The following RBM19 variants were observed in gnomAD, a reference collection of about 807,000 sequenced individuals.
RBM19 encodes the protein RNA binding motif protein 19, also known as probable RNA-binding protein 19.
Under a neutral mutation model 116.8 loss-of-function variants are expected in RBM19, and 94 were observed. That is an observed-to-expected ratio of 0.80 (90% CI 0.68 to 0.95). RBM19 has a LOEUF of 0.95. Ranked by LOEUF, RBM19 falls within the 40% of genes least tolerant of loss-of-function variation. The pLI, the probability that RBM19 is intolerant of heterozygous loss-of-function variation, is 0.00. For synonymous variants in RBM19, 475 were observed against 494.1 expected, an observed-to-expected ratio of 0.96 and a Z score of 0.51; for missense variants, 1,161 against 1,220.7, an observed-to-expected ratio of 0.95 and a Z score of 0.73.
intron 23 of RBM19, among the ~76,000 whole-genome samples, chr12:113,828,746 G>A (rs1416613698): frequency 1.3e-5 from 2 of 152,082 alleles, no homozygotes; most frequent in African/African-American, 2.4e-5. Flanking sequence ...GCTCTGGAAG[G>A]CTGGCTGAAC....
intron 10 of RBM19, 132 bp downstream of exon 10, chr12:113,948,701 T>G (rs1871237234): frequency 2.2e-6 from 2 of 899,446 alleles, no homozygotes; most frequent in Non-Finnish European, 3.3e-6. Context: ...TTGGTCCCAT[T>G]TTACAGATGA....
At chr12:113,848,637 C>T (rs1441915706) in intron 22 of RBM19, among the ~76,000 whole-genome samples, 3 of 152,170 alleles carry the variant, frequency 2.0e-5, no homozygotes, top group Non-Finnish European at 2.9e-5. Flanking sequence ...TGGAAGGTTC[C>T]AGCCATCACA....
intron 21 of RBM19, among the ~76,000 whole-genome samples, chr12:113,909,143 G>A (rs1398911306): frequency 3.9e-5 from 6 of 152,090 alleles, no homozygotes; most frequent in Non-Finnish European, 8.8e-5. Flanking sequence ...TTTTTTTAGA[G>A]AGAAGGTCTC....
chr12:113,846,047 C>T (rs562578587), intron 22 of RBM19, among the ~76,000 whole-genome samples: 22 of 152,354 alleles, frequency 1.4e-4, no homozygotes, highest in Admixed American at 9.1e-4. Context: ...TGCTACTTCT[C>T]GTTGCTGTTG....
chr12:113,965,927 G>A (rs1286025084), intron 1 of RBM19, among the ~76,000 whole-genome samples: 1 of 152,206 alleles, frequency 6.6e-6, no homozygotes, highest in African/African-American at 2.4e-5. Context: ...TTCGCCACAA[G>A]GTGGGAGTTG....
intron 18 of RBM19, among the ~76,000 whole-genome samples, chr12:113,921,262 T>A (rs1331708020): frequency 2.6e-5 from 4 of 152,134 alleles, no homozygotes; most frequent in Non-Finnish European, 5.9e-5. Flanking sequence ...ACTGCAAAAA[T>A]TTCATCAGAA....
At chr12:113,820,913 C>CTT (rs112639304), downstream of RBM19, among the ~76,000 whole-genome samples, 1,116 of 152,324 alleles carry the variant, frequency 7.3e-3, 20 homozygotes, top group African/African-American at 0.025. Flanking sequence ...AGCTCACCAG[C>CTT]TTTCTTTTGG....
At chr12:113,901,174 T>A (rs1183652876) in intron 21 of RBM19, among the ~76,000 whole-genome samples, 2 of 152,212 alleles carry the variant, frequency 1.3e-5, no homozygotes, top group African/African-American at 2.4e-5. Flanking sequence ...AGATCCTAGA[T>A]AAAATGTACT....
chr12:113,823,588 G>A (rs917892685), intron 23 of RBM19, among the ~76,000 whole-genome samples: 4 of 151,000 alleles, frequency 2.6e-5, no homozygotes, highest in African/African-American at 9.7e-5. Context: ...GAGGAGGAGA[G>A]AGAAACACTA....
chr12:113,947,572 T>C (rs1871139996), intron 10 of RBM19, 108 bp from the exon 11 acceptor site: 1 of 1,242,048 alleles, frequency 8.1e-7, no homozygotes, highest in Non-Finnish European at 1.1e-6. Flanking sequence ...ATGGGTGTCA[T>C]TTCCCAGTCC....
intron 21 of RBM19, among the ~76,000 whole-genome samples, chr12:113,901,030 A>G (rs1006420630): frequency 1.3e-5 from 2 of 152,206 alleles, no homozygotes; most frequent in African/African-American, 4.8e-5. Flanking sequence ...AAAGTTCCGC[A>G]CTGGTTTCTT....
chr12:113,863,225 G>GTA (rs1878538805), intron 21 of RBM19, among the ~76,000 whole-genome samples: 1 of 151,366 alleles, frequency 6.6e-6, no homozygotes, highest in South Asian at 2.1e-4. Context: ...GTGTGTGTGT[G>GTA]TGTGTGTGTG....
chr12:113,932,162 G>C (rs1187315605), intron 16 of RBM19, among the ~76,000 whole-genome samples: 1 of 152,182 alleles, frequency 6.6e-6, no homozygotes, highest in Admixed American at 6.5e-5. Flanking sequence ...TCATATCCCG[G>C]CTCTCTCCAC....
chr12:113,818,237 A>AG (rs1346658033), downstream of RBM19: 1 of 150,976 alleles, frequency 6.6e-6, no homozygotes, highest in Non-Finnish European at 1.5e-5. Context: ...AAAAAAAAAA[A>AG]GAAAGGGTTA....
intron 21 of RBM19, among the ~76,000 whole-genome samples, chr12:113,895,232 A>C (rs925050325): frequency 5.3e-5 from 8 of 152,206 alleles, no homozygotes; most frequent in Non-Finnish European, 1.0e-4. Context: ...ACTCTCCATT[A>C]ACCTGCAAGG....
intron 21 of RBM19, among the ~76,000 whole-genome samples, chr12:113,887,634 CAAAAAAAAA>C (rs35665613): frequency 4.2e-5 from 3 of 71,176 alleles, no homozygotes; most frequent in Admixed American, 1.9e-4. Flanking sequence ...GACTCCATCT[CAAAAAAAAA>C]AAAAAAAAGA....
intron 23 of RBM19, among the ~76,000 whole-genome samples, chr12:113,829,084 G>A (rs1484336803): frequency 6.6e-6 from 1 of 151,756 alleles, no homozygotes; most frequent in Non-Finnish European, 1.5e-5. Flanking sequence ...TGCAACCTCT[G>A]CTTTCCGGGT....
intron 22 of RBM19, among the ~76,000 whole-genome samples, chr12:113,846,780 A>C (rs1294695634): frequency 6.6e-6 from 1 of 152,186 alleles, no homozygotes; most frequent in Non-Finnish European, 1.5e-5. Flanking sequence ...TGGTGTGATC[A>C]TGGCTCACTG....
At chr12:113,835,045 G>A (rs1415692149) in intron 23 of RBM19, among the ~76,000 whole-genome samples, 3 of 152,072 alleles carry the variant, frequency 2.0e-5, no homozygotes, top group Admixed American at 1.3e-4. Context: ...GTGCTTCGAA[G>A]CACCCAGTCA....
Sources: allele counts gnomAD v4.1 joint callset (sites outside exome capture counted in the v4.1 genomes callset), GRCh38; gene constraint gnomAD v4.1.1; transcripts MANE v1.5; gene names NCBI Gene and HGNC (gene_info 2026-07-23, HGNC 2026-07-21).